Variants in EFCAB7 observed in about 807,000 individuals in gnomAD.
EFCAB7 encodes EF-hand calcium-binding domain-containing protein 7.
EFCAB7 carries 66 observed loss-of-function variants against 77.1 expected under a neutral mutation model. The observed-to-expected ratio is 0.86, with a 90% CI of 0.70 to 1.05. The LOEUF is 1.05. EFCAB7 is among the 50% of genes least tolerant of loss of function. EFCAB7 has a pLI of 0.00. For synonymous variants in EFCAB7, 225 were observed against 243.3 expected, an observed-to-expected ratio of 0.92 and a Z score of 0.70; for missense variants, 638 against 730.5, an observed-to-expected ratio of 0.87 and a Z score of 1.46.
intron 7 of EFCAB7, chr1:63,547,897 C>T (rs748387058): frequency 5.3e-5 from 8 of 152,234 alleles, no homozygotes; most frequent in Non-Finnish European, 1.2e-4. Context: ...AGAACCAGCA[C>T]AATGTTACTT....
At position 63,557,259 on chromosome 1, in the gene EFCAB7, T is replaced by C. The variant is rs1277200177; in HGVS notation, c.1348+12T>C. On this transcript the variant is annotated intron_variant, in intron 10 of 13. Coordinates refer to ENST00000371088, the MANE Select transcript of EFCAB7 (RefSeq NM_032437.4). The stretch of plus-strand genomic sequence containing the variant: ...GGCTGTCTGCAGAGGTAAGCACTTT[T>C]CTTTTCCTTAACAGATGTATAAAAA... The C allele has an allele frequency of 2.5e-6, 4 of 1,588,722 alleles. No individual in the cohort carries two copies. In the East Asian group the frequency reaches 9.0e-5, roughly 36 times the overall value.
At chr1:63,534,303 C>G in intron 6 of EFCAB7, 87 bp downstream of exon 6, 1 of 1,153,956 alleles carries the variant, frequency 8.7e-7, no homozygotes, top group Non-Finnish European at 1.2e-6. Context: ...CTACAGGGAA[C>G]CAGTAAAGTT....
At chr1:63,544,357 A>C (rs1009861969) in intron 6 of EFCAB7, among the ~76,000 whole-genome samples, 1 of 152,168 alleles carries the variant, frequency 6.6e-6, no homozygotes, top group East Asian at 1.9e-4. Flanking sequence ...TAAAGCCAAT[A>C]TAGAAAAGTC....
At chr1:63,561,034 T>C (rs1647094023) in intron 10 of EFCAB7, among the ~76,000 whole-genome samples, 1 of 152,252 alleles carries the variant, frequency 6.6e-6, no homozygotes, top group African/African-American at 2.4e-5. Flanking sequence ...TTATTATCCA[T>C]GTTACAGACA....
the EFCAB7 span, among the ~76,000 whole-genome samples, chr1:63,578,736 C>T: frequency 2.6e-5 from 4 of 151,632 alleles, no homozygotes; most frequent in East Asian, 2.0e-4. Context: ...CCACTGCGCC[C>T]GGCCTCACAA....
intron 6 of EFCAB7, among the ~76,000 whole-genome samples, chr1:63,543,645 A>G (rs1327871928): frequency 6.6e-6 from 1 of 152,126 alleles, no homozygotes; most frequent in Non-Finnish European, 1.5e-5. Context: ...TGAGCATGAA[A>G]CCGATCTCAA....
At chr1:63,523,686 T>G (rs1257272138) in intron 1 of EFCAB7, 52 bp downstream of exon 1, 1 of 166,634 alleles carries the variant, frequency 6.0e-6, no homozygotes, top group Non-Finnish European at 1.3e-5. Flanking sequence ...TCCCTCTCTG[T>G]GCAGCTGCTT....
downstream of EFCAB7, among the ~76,000 whole-genome samples, chr1:63,576,088 A>C (rs1647404087): frequency 6.6e-6 from 1 of 152,184 alleles, no homozygotes; most frequent in African/African-American, 2.4e-5. Context: ...TGATTTGAGG[A>C]AAAATAAAGC....
chr1:63,559,430 C>A (rs1042492371), intron 10 of EFCAB7, among the ~76,000 whole-genome samples: 2 of 151,188 alleles, frequency 1.3e-5, no homozygotes, highest in Non-Finnish European at 2.9e-5. Flanking sequence ...ATTATTGATA[C>A]ATAATCATTA....
chr1:63,542,407 A>G (rs764657314), intron 6 of EFCAB7, among the ~76,000 whole-genome samples: 47 of 152,330 alleles, frequency 3.1e-4, no homozygotes, highest in Non-Finnish European at 5.7e-4. Context: ...CAGTAATGCT[A>G]TGAACATTGG....
downstream of EFCAB7, among the ~76,000 whole-genome samples, chr1:63,575,239 T>C (rs977847021): frequency 4.6e-5 from 7 of 152,100 alleles, no homozygotes; most frequent in South Asian, 4.1e-4. Flanking sequence ...ATATGAGTCA[T>C]GACATATTCT....
At chr1:63,540,499 T>C (rs940026997) in intron 6 of EFCAB7, among the ~76,000 whole-genome samples, 4 of 152,106 alleles carry the variant, frequency 2.6e-5, no homozygotes, top group African/African-American at 9.7e-5. Context: ...TTGGTCTAAA[T>C]GTAGAGGCCA....
chr1:63,537,878 C>A (rs12568226), intron 6 of EFCAB7, among the ~76,000 whole-genome samples: 22,751 of 152,082 alleles, frequency 0.15, 2,202 homozygotes, highest in South Asian at 0.22. Context: ...CTTAATAATT[C>A]TTTCTCACTG....
At chr1:63,556,663 ATTAACT>A (rs1200445347) in intron 9 of EFCAB7, among the ~76,000 whole-genome samples, 1 of 152,144 alleles carries the variant, frequency 6.6e-6, no homozygotes, top group African/African-American at 2.4e-5. Flanking sequence ...ATTTGGTTAC[ATTAACT>A]TTATAGTTTA....
At chr1:63,566,501 T>TA (rs890840373) in intron 11 of EFCAB7, among the ~76,000 whole-genome samples, 6 of 150,884 alleles carry the variant, frequency 4.0e-5, no homozygotes, top group Admixed American at 2.0e-4. Context: ...CTTAAAAGTG[T>TA]AAAAAAAAAG....
the EFCAB7 span, among the ~76,000 whole-genome samples, chr1:63,583,919 T>G: frequency 9.5e-6 from 1 of 105,694 alleles, no homozygotes; most frequent in Non-Finnish European, 1.8e-5. Flanking sequence ...ATCAAAGAAA[T>G]GAAAGACGTG....
At chr1:63,580,050 G>C in the EFCAB7 span, among the ~76,000 whole-genome samples, 9 of 151,928 alleles carry the variant, frequency 5.9e-5, no homozygotes, top group Non-Finnish European at 1.3e-4. Flanking sequence ...ATCGTATAGA[G>C]AGTGAAAGTT....
At chr1:63,538,639 G>C (rs1646792359) in intron 6 of EFCAB7, among the ~76,000 whole-genome samples, 1 of 152,068 alleles carries the variant, frequency 6.6e-6, no homozygotes, top group African/African-American at 2.4e-5. Context: ...TTTTAGTAGA[G>C]ACAGGGTTTC....
Position 63,545,944 on chromosome 1 carries a change from G to GC in EFCAB7, c.834dup (p.Phe279LeufsTer8). 1.2e-6 allele frequency: 2 copies of GC among 1,613,498 alleles called. No homozygotes were observed. The highest frequency in any genetic ancestry group is 1.7e-6 in the Non-Finnish European group (2 of 1,179,662). On this transcript the variant is annotated frameshift_variant, in exon 7 of 14. Transcript: ENST00000371088. LOFTEE classifies it high-confidence loss of function. Reference sequence around the variant, plus strand: ...TGGCAACACATGCAATCAAAAGGTTGCTTCTTCTTAGAAGAAGATGGTGAA... The same window carrying GC: ...TGGCAACACATGCAATCAAAAGGTTGCCTTCTTCTTAGAAGAAGATGGTGAA...
Sources: allele counts gnomAD v4.1 joint callset (sites outside exome capture counted in the v4.1 genomes callset), GRCh38; gene constraint gnomAD v4.1.1; transcripts MANE v1.5; gene names NCBI Gene and HGNC (gene_info 2026-07-23, HGNC 2026-07-21).